The following SSRP1 variants were observed in gnomAD, a reference collection of about 807,000 sequenced individuals.
SSRP1 encodes the protein FACT complex subunit SSRP1.
In SSRP1, 21 loss-of-function variants were observed where a neutral mutation model predicts 84.4. The ratio of observed to expected loss-of-function variants is 0.25; its 90% confidence interval spans 0.18 to 0.36. The LOEUF is 0.36. Among genes scored for constraint, SSRP1 ranks in the 10% least tolerant of loss-of-function variants. SSRP1 has a pLI of 1.00. For missense variants in SSRP1, 519 were observed against 900.8 expected (o/e 0.58, Z 5.43); for synonymous variants, 319 against 318.3 (o/e 1.00, Z -0.02).
In SSRP1 at chr11:57,326,353, G is replaced by A; in HGVS notation, c.*54C>T. 4 of 1,540,626 alleles carry A rather than the reference G, an allele frequency of 2.6e-6. No individual in the cohort carries two copies. Among genetic ancestry groups the A allele is most frequent in the Non-Finnish European group, 3.6e-6 (4 of 1,115,380 alleles). On this transcript the variant is annotated 3_prime_UTR_variant, in exon 17 of 17. Transcript: ENST00000278412. ...AGGAGAAACTGGTACCAAAATATGG[G>A]TGGGGAGTCGGGGGGTGTGAGAAGG...
intron 12 of SSRP1, 35 bp from the exon 13 acceptor site, chr11:57,328,461 G>T: frequency 6.2e-7 from 1 of 1,612,700 alleles, no homozygotes; most frequent in Non-Finnish European, 8.5e-7. Flanking sequence ...GACTTGAGGA[G>T]GGAAGACAGG....
At chr11:57,327,172 T>C (rs953023813) in intron 15 of SSRP1, 2 of 656,880 alleles carry the variant, frequency 3.0e-6, no homozygotes, top group Admixed American at 3.0e-5. Flanking sequence ...CACTCCATAA[T>C]AGTATTTTTT....
Position 57,327,748 on chromosome 11 carries a change from G to A in SSRP1, c.1746C>T (p.Gly582=), listed in dbSNP as rs1232401028. The change falls in exon 14 of 17, where the codon GGC becomes GGT. Residue 582 remains glycine, a synonymous_variant. Coordinates refer to ENST00000278412, the MANE Select transcript of SSRP1 (RefSeq NM_003146.3). ...CTTTGGACATTCCCTTCCAGATCTC[G>A]CCTGCCTTCTTGGAAAGATCCGTGA... is the stretch of plus-strand genomic sequence containing the variant. ...ISITDLSKKA[G]EIWKGMSKEK... 3 of 1,613,768 alleles carry A rather than the reference G, an allele frequency of 1.9e-6. No homozygotes were observed. The highest frequency in any genetic ancestry group is 2.5e-6 in the Non-Finnish European group (3 of 1,180,000).
At position 57,330,159 on chromosome 11, in the gene SSRP1, C is replaced by T; in HGVS notation, c.1436-21G>A. 1.9e-6 allele frequency: 3 copies of T among 1,614,184 alleles called. No homozygotes were observed. The highest frequency in any genetic ancestry group is 2.5e-6 in the Non-Finnish European group (3 of 1,180,034). On this transcript the variant is annotated intron_variant, in intron 11 of 16. Coordinates refer to ENST00000278412, the MANE Select transcript of SSRP1 (RefSeq NM_003146.3). The surrounding 1 kb of genome is among the most constrained non-coding windows in gnomAD (Gnocchi z 4.0). ...CTCATCTGAAAAAGGGCACAGGATG[C>T]ATCAGCTTCTGCCCCAATGGAAATC... is the stretch of plus-strand genomic sequence containing the variant.
In SSRP1 at chr11:57,330,966, G is replaced by A. The variant is rs1331600633; in HGVS notation, c.1224-39C>T. The A allele has an allele frequency of 2.5e-6, 4 of 1,601,446 alleles. No individual in the cohort carries two copies. Among genetic ancestry groups the A allele is most frequent in the Non-Finnish European group, 3.4e-6 (4 of 1,168,640 alleles). Reference sequence around the variant, plus strand: ...TGCACCATGTTACCAGAGAGGTAGTGCCAACACAGGGGCACACTAAACAAT... The same window carrying A: ...TGCACCATGTTACCAGAGAGGTAGTACCAACACAGGGGCACACTAAACAAT... On this transcript the variant is annotated intron_variant, in intron 9 of 16. Transcript: ENST00000278412. This position sits in a 1 kb window ranked among gnomAD's most constrained non-coding sequence, Gnocchi z 4.0.
intron 4 of SSRP1, 108 bp downstream of exon 4, chr11:57,333,327 A>G: frequency 8.5e-7 from 1 of 1,181,922 alleles, no homozygotes; most frequent in Non-Finnish European, 1.2e-6. Flanking sequence ...ACATGCAAAT[A>G]GATAGGAAAC....
At chr11:57,327,018 G>A in intron 15 of SSRP1, 129 bp from the exon 16 acceptor site, 1 of 1,431,426 alleles carries the variant, frequency 7.0e-7, no homozygotes, top group South Asian at 1.5e-5. Flanking sequence ...AACGTAAATA[G>A]CTGCGTCAGC....
At chr11:57,327,228 A>G (rs767308258) in intron 15 of SSRP1, 198 bp downstream of exon 15, 59 of 692,488 alleles carry the variant, frequency 8.5e-5, no homozygotes, top group Non-Finnish European at 8.5e-5. Flanking sequence ...AAAAGAGGCC[A>G]TATTTCCCCA....
Position 57,330,914 on chromosome 11 carries a change from T to C in SSRP1, c.1237A>G (p.Lys413Glu). 1 of 1,614,194 alleles carries C rather than the reference T, an allele frequency of 6.2e-7. No individual in the cohort carries two copies. Among genetic ancestry groups the C allele is most frequent in the Admixed American group, 1.7e-5 (1 of 60,022 alleles). ...TTCGCGTTGACAAAATCAAACAGTT[T>C]CCCGTACTCCTCCCTGTGAGGGGAC... ...FSSIEREEYG[K>E]LFDFVNAKKL... The change falls in exon 10 of 17, where the codon AAA becomes GAA. Residue 413 changes from lysine (K) to glutamate (E), a missense_variant. Physicochemically the swap from Lys to Glu is moderately conservative, Grantham distance 56. Coordinates refer to ENST00000278412, the MANE Select transcript of SSRP1 (RefSeq NM_003146.3). This position sits in a 1 kb window ranked among gnomAD's most constrained non-coding sequence, Gnocchi z 4.0.
intron 12 of SSRP1, 121 bp downstream of exon 12, chr11:57,329,972 G>T: frequency 8.2e-7 from 1 of 1,214,602 alleles, no homozygotes; most frequent in Non-Finnish European, 1.2e-6. Flanking sequence ...CCTCATTGGA[G>T]GTCACTCTCC....
chr11:57,328,078 C>T, intron 13 of SSRP1, 196 bp from the exon 14 acceptor site: 1 of 948,106 alleles, frequency 1.1e-6, no homozygotes. Flanking sequence ...GGACAGAAGC[C>T]CATCTCCTAA....
chr11:57,327,953 G>A, intron 13 of SSRP1, 71 bp from the exon 14 acceptor site: 2 of 1,556,904 alleles, frequency 1.3e-6, no homozygotes, highest in Non-Finnish European at 1.7e-6. Context: ...AAATTATTTA[G>A]ATCACTTAAC....
In SSRP1 at chr11:57,333,247, G is replaced by C; in HGVS notation, c.347-98C>G. 5 of 1,382,784 alleles carry C rather than the reference G, an allele frequency of 3.6e-6. No homozygotes were observed. The East Asian group carries it at 6.9e-5, about 19-fold the overall frequency. 85.7% of individuals were successfully genotyped at this position (1,382,784 alleles called of 1,614,324 possible). A position where few individuals can be genotyped will look rare whatever the true frequency, so the allele number is the denominator to read the frequency against. ...GAGTTCCACAGAGACAGGATACTGC[G>C]GTTAGTCTGTTTAGACTATAACCCC... On this transcript the variant is annotated intron_variant, in intron 4 of 16. Transcript: ENST00000278412.
intron 12 of SSRP1, chr11:57,329,246 C>T (rs1856044269): frequency 6.6e-6 from 1 of 152,212 alleles, no homozygotes; most frequent in Non-Finnish European, 1.5e-5. Context: ...CATTCTTTTA[C>T]AATCCTTCTG....
At position 57,330,230 on chromosome 11, in the gene SSRP1, A is replaced by G. The variant is rs1380238017; in HGVS notation, c.1435+61T>C. ...CCAGCTCTGGCCCAAGGGTGAGTCCAGCCCGGGCCACAGCGAGGAGCGTCT... is the reference window on the plus strand; with the variant it reads ...CCAGCTCTGGCCCAAGGGTGAGTCCGGCCCGGGCCACAGCGAGGAGCGTCT... On this transcript the variant is annotated intron_variant, in intron 11 of 16. Transcript: ENST00000278412. The surrounding 1 kb of genome is among the most constrained non-coding windows in gnomAD (Gnocchi z 4.0). 3 of 1,613,910 alleles carry G rather than the reference A, an allele frequency of 1.9e-6. No homozygotes were observed. The African/African-American group carries it at 4.0e-5, about 22-fold the overall frequency.
At chr11:57,326,584 C>T in intron 16 of SSRP1, 106 bp from the exon 17 acceptor site, 5 of 1,589,116 alleles carry the variant, frequency 3.1e-6, no homozygotes, top group African/African-American at 1.3e-5. Context: ...ACAGCACCCC[C>T]CTTCAGAACC....
chr11:57,334,966 T>A (rs1420761328), intron 2 of SSRP1, 102 bp downstream of exon 2: 2 of 1,410,050 alleles, frequency 1.4e-6, no homozygotes, highest in African/African-American at 2.8e-5. Flanking sequence ...CTGAGTCTTC[T>A]TTTTCCAAAA....
chr11:57,326,362 C>CG lies in SSRP1; in HGVS notation c.*44dup, dbSNP rs765667108. On this transcript the variant is annotated 3_prime_UTR_variant, in exon 17 of 17. Transcript: ENST00000278412. ...TGGTACCAAAATATGGGTGGGGAGT[C>CG]GGGGGGTGTGAGAAGGCAAGCGCAA... is the stretch of plus-strand genomic sequence containing the variant. The CG allele has an allele frequency of 3.2e-5, 50 of 1,580,952 alleles. No individual in the cohort carries two copies. The highest frequency in any genetic ancestry group is 3.9e-5 in the Non-Finnish European group (45 of 1,151,438).
At position 57,332,066 on chromosome 11, in the gene SSRP1, G is replaced by T; in HGVS notation, c.1001+86C>A. On this transcript the variant is annotated intron_variant, in intron 8 of 16. Transcript: ENST00000278412. This position sits in a 1 kb window ranked among gnomAD's most constrained non-coding sequence, Gnocchi z 5.5. ...GTCCCATCCAGGCCTCTAGGAGGCC[G>T]CATTCCCATCTCAGGAAGGGTTTAC... is the stretch of plus-strand genomic sequence containing the variant. The T allele has an allele frequency of 1.3e-6, 2 of 1,594,250 alleles. No homozygotes were observed. The highest frequency in any genetic ancestry group is 2.2e-5 in the East Asian group (1 of 44,778).
Sources: allele counts gnomAD v4.1 joint callset, GRCh38; gene constraint gnomAD v4.1.1; non-coding constraint Gnocchi (gnomAD v3.1); transcripts MANE v1.5; gene names NCBI Gene and HGNC (gene_info 2026-07-23, HGNC 2026-07-21).